L3MBTL4: variants seen among roughly 807,000 people sequenced by gnomAD.
L3MBTL4 encodes L3MBTL histone methyl-lysine binding protein 4.
In L3MBTL4, 70 loss-of-function variants were observed where a neutral mutation model predicts 84.5. The observed-to-expected ratio is 0.83, with a 90% confidence interval of 0.68 to 1.01. L3MBTL4 has a LOEUF of 1.01. L3MBTL4 is among the 50% of genes least tolerant of loss of function. L3MBTL4 has a pLI of 0.00. For synonymous variants in L3MBTL4, 274 were observed against 259.8 expected (o/e 1.05, Z -0.52); for missense variants, 715 against 754.8 (o/e 0.95, Z 0.62).
intron 13 of L3MBTL4, among the ~76,000 whole-genome samples, chr18:6,148,006 A>G (rs1021052950): frequency 6.6e-6 from 1 of 152,200 alleles, no homozygotes; most frequent in African/African-American, 2.4e-5. Context: ...CAGGGAGATC[A>G]GAGGTTTGAT....
At chr18:6,262,810 C>A (rs976383536) in intron 5 of L3MBTL4, among the ~76,000 whole-genome samples, 1 of 152,160 alleles carries the variant, frequency 6.6e-6, no homozygotes, top group African/African-American at 2.4e-5. Context: ...CACGAGGGGT[C>A]TGCATTTGGT....
At chr18:6,121,685 C>CAT (rs1555660762) in intron 14 of L3MBTL4, among the ~76,000 whole-genome samples, 2 of 142,832 alleles carry the variant, frequency 1.4e-5, no homozygotes, top group Non-Finnish European at 1.5e-5. Context: ...ATTGTTTCCC[C>CAT]GTGTGTGTGT....
intron 16 of L3MBTL4, among the ~76,000 whole-genome samples, chr18:6,037,308 G>A (rs184435380): frequency 6.6e-6 from 1 of 152,312 alleles, no homozygotes; most frequent in East Asian, 1.9e-4. Flanking sequence ...CGTAACTGCA[G>A]TTTACCATGT....
intron 14 of L3MBTL4, among the ~76,000 whole-genome samples, chr18:6,112,190 A>T (rs980281033): frequency 6.6e-6 from 1 of 152,186 alleles, no homozygotes; most frequent in African/African-American, 2.4e-5. Context: ...CACACACATC[A>T]ATGTGAACTG....
intron 12 of L3MBTL4, among the ~76,000 whole-genome samples, chr18:6,179,971 A>G (rs2044395168): frequency 6.6e-6 from 1 of 152,166 alleles, no homozygotes; most frequent in Non-Finnish European, 1.5e-5. Flanking sequence ...TCACAGTACT[A>G]TTTTAATAGA....
intron 1 of L3MBTL4, among the ~76,000 whole-genome samples, chr18:6,380,601 T>C (rs1366321392): frequency 6.6e-6 from 1 of 152,222 alleles, no homozygotes; most frequent in Admixed American, 6.5e-5. Context: ...GAGCAGGTTG[T>C]TCAGTTTCCA....
intron 1 of L3MBTL4, among the ~76,000 whole-genome samples, chr18:6,375,476 T>C (rs1373881261): frequency 1.3e-5 from 2 of 152,038 alleles, no homozygotes; most frequent in Non-Finnish European, 2.9e-5. Context: ...CGTGTAAATG[T>C]CATTTCCTTG....
At chr18:5,997,766 G>A (rs981147229) in intron 16 of L3MBTL4, among the ~76,000 whole-genome samples, 2 of 152,186 alleles carry the variant, frequency 1.3e-5, no homozygotes, top group Admixed American at 6.5e-5. Flanking sequence ...TGTCACCAAC[G>A]CGTCCTTAAC....
chr18:6,106,397 C>A (rs1006646122), intron 14 of L3MBTL4, among the ~76,000 whole-genome samples: 3 of 152,130 alleles, frequency 2.0e-5, no homozygotes, highest in African/African-American at 7.2e-5. Flanking sequence ...ACATAGAATA[C>A]TTTGAGGGAA....
chr18:6,072,881 A>AAAAAAAAAAAAAT (rs1555645982), intron 16 of L3MBTL4, among the ~76,000 whole-genome samples: 1 of 20,444 alleles, frequency 4.9e-5, no homozygotes, highest in Admixed American at 7.1e-4. Context: ...AAAAAAAAAA[A>AAAAAAAAAAAAAT]ATATATATAT....
chr18:5,960,008 A>T (rs2095254361), intron 18 of L3MBTL4, 86 bp downstream of exon 18: 2 of 291,452 alleles, frequency 6.9e-6, no homozygotes, highest in Admixed American at 1.3e-4. Flanking sequence ...ATAGAAATAC[A>T]TACATATATA....
chr18:6,139,477 C>T (rs1033389727), intron 13 of L3MBTL4, among the ~76,000 whole-genome samples: 13 of 151,786 alleles, frequency 8.6e-5, no homozygotes, highest in South Asian at 2.1e-4. Flanking sequence ...CAGTATTCTC[C>T]GCCCCCTAAA....
chr18:6,297,330 G>A (rs1371024285), intron 4 of L3MBTL4, among the ~76,000 whole-genome samples: 2 of 152,192 alleles, frequency 1.3e-5, no homozygotes, highest in Admixed American at 1.3e-4. Context: ...ATTCTGGGCT[G>A]TCTTGGGACA....
chr18:6,011,391 C>CA (rs1292990242), intron 16 of L3MBTL4, among the ~76,000 whole-genome samples: 3 of 152,054 alleles, frequency 2.0e-5, no homozygotes, highest in Non-Finnish European at 4.4e-5. Flanking sequence ...CTGGTGAGGC[C>CA]AAAGTTTCTG....
intron 5 of L3MBTL4, among the ~76,000 whole-genome samples, chr18:6,257,664 T>TTTTTTA (rs1171736766): frequency 1.4e-5 from 2 of 147,624 alleles, no homozygotes; most frequent in African/African-American, 5.1e-5. Flanking sequence ...TTTTTTTTTT[T>TTTTTTA]AAATGGAGTT....
chr18:6,239,611 C>T lies in L3MBTL4; in HGVS notation c.707+107G>A, dbSNP rs539655268. 35 of 1,066,754 alleles carry T rather than the reference C, an allele frequency of 3.3e-5. No individual in the cohort carries two copies. In the South Asian group the frequency reaches 4.4e-4, roughly 13 times the overall value. 66.1% of individuals were successfully genotyped at this position (1,066,754 alleles called of 1,614,324 possible). A position where few individuals can be genotyped will look rare whatever the true frequency, so the allele number is the denominator to read the frequency against. ...ACAGTCAACCACCAAATTCCTAATGCTCATCACTATTAGAAGAGCAAAAAC... is the reference window on the plus strand; with the variant it reads ...ACAGTCAACCACCAAATTCCTAATGTTCATCACTATTAGAAGAGCAAAAAC... On this transcript the variant is annotated intron_variant, in intron 9 of 18. Transcript: ENST00000317931.
chr18:6,219,497 T>TGAAAGAA (rs1318162900), intron 10 of L3MBTL4, among the ~76,000 whole-genome samples: 1 of 141,284 alleles, frequency 7.1e-6, no homozygotes, highest in African/African-American at 2.6e-5. Context: ...GACCTCATTC[T>TGAAAGAA]TTAGGTCCAA....
chr18:6,256,268 C>T (rs1009212119), intron 5 of L3MBTL4, among the ~76,000 whole-genome samples: 7 of 152,130 alleles, frequency 4.6e-5, no homozygotes, highest in African/African-American at 1.7e-4. Context: ...AGAAAAATTC[C>T]ATTTTTAAAA....
chr18:6,324,581 G>A (rs1206331317), intron 1 of L3MBTL4, among the ~76,000 whole-genome samples: 1 of 152,214 alleles, frequency 6.6e-6, no homozygotes, highest in African/African-American at 2.4e-5. Flanking sequence ...AAATGTGGGT[G>A]TGCAGCTTGT....
Sources: gnomAD v4.1 joint callset for allele counts (sites outside exome capture counted in the v4.1 genomes callset) on GRCh38, gnomAD v4.1.1 for gene constraint, MANE v1.5 for transcripts, NCBI Gene and HGNC (gene_info 2026-07-23, HGNC 2026-07-21) for gene names.